BTRC: variants seen among roughly 807,000 people sequenced by gnomAD.
BTRC encodes the protein F-box/WD repeat-containing protein 1A.
Under a neutral mutation model 85.5 loss-of-function variants are expected in BTRC, and 42 were observed. That is an observed-to-expected ratio of 0.49 (90% confidence interval 0.38 to 0.64). The LOEUF (loss-of-function observed/expected upper bound fraction) is 0.64. Ranked by LOEUF, BTRC falls within the 30% of genes least tolerant of loss-of-function variation. The pLI, the probability that BTRC is intolerant of heterozygous loss-of-function variation, is 0.00. For synonymous variants in BTRC, 255 were observed against 263.3 expected (o/e 0.97, Z 0.30); for missense variants, 594 against 743.5 (o/e 0.80, Z 2.34).
chr10:101,393,728 GA>G (rs1943294310), intron 1 of BTRC, among the ~76,000 whole-genome samples: 1 of 150,636 alleles, frequency 6.6e-6, no homozygotes, highest in Non-Finnish European at 1.5e-5. Context: ...AGGTTGGAAA[GA>G]GTCTTTCCCT....
chr10:101,526,509 T>A (rs533125459), intron 6 of BTRC, among the ~76,000 whole-genome samples: 1 of 152,214 alleles, frequency 6.6e-6, no homozygotes, highest in Non-Finnish European at 1.5e-5. Context: ...CTGGGCACAG[T>A]GCGTTCACGC....
At chr10:101,357,518 T>G (rs1161828605) in intron 1 of BTRC, among the ~76,000 whole-genome samples, 1 of 151,582 alleles carries the variant, frequency 6.6e-6, no homozygotes, top group African/African-American at 2.4e-5. Flanking sequence ...GGAAGAACTA[T>G]CCTTTTAATC....
chr10:101,538,673 G>A (rs1192690428), intron 13 of BTRC, among the ~76,000 whole-genome samples: 1 of 152,138 alleles, frequency 6.6e-6, no homozygotes, highest in African/African-American at 2.4e-5. Flanking sequence ...AAACAGCAGG[G>A]GGTACTAAGG....
chr10:101,449,426 C>T (rs1944905354), intron 2 of BTRC, among the ~76,000 whole-genome samples: 1 of 151,944 alleles, frequency 6.6e-6, no homozygotes, highest in South Asian at 2.1e-4. Flanking sequence ...GGTCGAGTTA[C>T]AAAAATAACC....
chr10:101,420,923 A>G (rs1944084137), intron 1 of BTRC, among the ~76,000 whole-genome samples: 1 of 151,546 alleles, frequency 6.6e-6, no homozygotes, highest in Non-Finnish European at 1.5e-5. Flanking sequence ...TTACTTACAT[A>G]GAAGTCAGTT....
intron 11 of BTRC, among the ~76,000 whole-genome samples, chr10:101,535,678 G>C (rs972907193): frequency 6.6e-6 from 1 of 152,146 alleles, no homozygotes; most frequent in African/African-American, 2.4e-5. Context: ...AATTTCTCCT[G>C]TCTACCGTTG....
chr10:101,398,588 CA>C (rs1943421652), intron 1 of BTRC, among the ~76,000 whole-genome samples: 2 of 152,196 alleles, frequency 1.3e-5, no homozygotes, highest in Non-Finnish European at 2.9e-5. Context: ...TAGGCATGAG[CA>C]ACTGCGCCCA....
intron 4 of BTRC, among the ~76,000 whole-genome samples, chr10:101,493,808 TCTTA>T (rs1414120488): frequency 6.6e-6 from 1 of 152,230 alleles, no homozygotes; most frequent in East Asian, 1.9e-4. Context: ...CCTTGTAATC[TCTTA>T]CTGTCTGTTA....
chr10:101,367,304 G>A (rs531705503), intron 1 of BTRC, among the ~76,000 whole-genome samples: 1 of 151,104 alleles, frequency 6.6e-6, no homozygotes, highest in Non-Finnish European at 1.5e-5. Flanking sequence ...TCTTGACCTT[G>A]TGATCTGCCT....
At chr10:101,414,195 C>G (rs1367083408) in intron 1 of BTRC, among the ~76,000 whole-genome samples, 2 of 152,134 alleles carry the variant, frequency 1.3e-5, no homozygotes, top group Non-Finnish European at 2.9e-5. Flanking sequence ...CTAGGTAACT[C>G]ATATAAGTGG....
intron 1 of BTRC, among the ~76,000 whole-genome samples, chr10:101,380,524 C>T (rs908351093): frequency 3.3e-5 from 5 of 152,064 alleles, no homozygotes; most frequent in Middle Eastern, 3.2e-3. Flanking sequence ...GACGGTGGGG[C>T]GGCTGGGCAG....
At chr10:101,385,943 T>C (rs1042519207) in intron 1 of BTRC, among the ~76,000 whole-genome samples, 2 of 152,166 alleles carry the variant, frequency 1.3e-5, no homozygotes, top group Non-Finnish European at 2.9e-5. Flanking sequence ...CTGTAAAACT[T>C]GAGCTTCATC....
chr10:101,419,156 A>G (rs1443200783), intron 1 of BTRC, among the ~76,000 whole-genome samples: 3 of 151,988 alleles, frequency 2.0e-5, no homozygotes, highest in African/African-American at 7.3e-5. Flanking sequence ...AATTATAGGC[A>G]CACACCACCA....
intron 1 of BTRC, among the ~76,000 whole-genome samples, chr10:101,375,546 A>G (rs1379871290): frequency 6.6e-6 from 1 of 152,204 alleles, no homozygotes; most frequent in Non-Finnish European, 1.5e-5. Context: ...AATGGCAGGG[A>G]GTCTGGGGCA....
chr10:101,408,046 A>G (rs1943676585), intron 1 of BTRC, among the ~76,000 whole-genome samples: 1 of 152,128 alleles, frequency 6.6e-6, no homozygotes, highest in Admixed American at 6.5e-5. Flanking sequence ...AAATATAATT[A>G]ATATAGAATT....
rs778864948 is a variant in BTRC at position 101,430,326 on chromosome 10, A to T, written c.49-19A>T. 8 of 1,582,134 alleles carry T rather than the reference A, an allele frequency of 5.1e-6. No homozygotes were observed. In the Admixed American group the frequency reaches 1.4e-4, roughly 27 times the overall value. On this transcript the variant is annotated intron_variant, in intron 1 of 14. Coordinates refer to ENST00000370187, the MANE Select transcript of BTRC (RefSeq NM_033637.4). The stretch of plus-strand genomic sequence containing the variant: ...CCTGTCTCATACTGTCCCATCTCAT[A>T]GTTGTCCTCTCTCTGCAGTGCTCTA...
intron 2 of BTRC, among the ~76,000 whole-genome samples, chr10:101,449,658 G>T (rs1944910469): frequency 6.6e-6 from 1 of 152,096 alleles, no homozygotes; most frequent in Admixed American, 6.6e-5. Context: ...AGTTAAGCTA[G>T]TTATATTTTG....
At position 101,505,034 on chromosome 10, in the gene BTRC, C is replaced by T. The variant is rs1193947974; in HGVS notation, c.325-16605C>T. On this transcript the variant is annotated intron_variant, in intron 4 of 14. Coordinates refer to ENST00000370187, the MANE Select transcript of BTRC (RefSeq NM_033637.4). ...TCAGCTCACTGCAACTTCTGCCTCCCGTGTTCAAGCAATCCTCCTGCCTCA... is the reference window on the plus strand; with the variant it reads ...TCAGCTCACTGCAACTTCTGCCTCCTGTGTTCAAGCAATCCTCCTGCCTCA... 1.4e-4 allele frequency among the ~76,000 whole-genome samples: 19 copies of T among 139,494 alleles called. 1 individual carries two copies. Among genetic ancestry groups the T allele is most frequent in the Non-Finnish European group, 1.2e-4 (8 of 64,506 alleles). 91.5% of individuals were successfully genotyped at this position (139,494 alleles called of 152,430 possible). A position where few individuals can be genotyped will look rare whatever the true frequency, so the allele number is the denominator to read the frequency against.
intron 14 of BTRC, 22 bp from the exon 15 acceptor site, chr10:101,553,133 T>A (rs539334797): frequency 6.5e-6 from 1 of 152,674 alleles, no homozygotes; most frequent in Non-Finnish European, 1.5e-5. Context: ...GGCTAATGAC[T>A]ATTTGCTCTG....
Sources: gnomAD v4.1 joint callset for allele counts (sites outside exome capture counted in the v4.1 genomes callset) on GRCh38, gnomAD v4.1.1 for gene constraint, MANE v1.5 for transcripts, NCBI Gene and HGNC (gene_info 2026-07-23, HGNC 2026-07-21) for gene names.